SMC1B: variants seen among roughly 807,000 people sequenced by gnomAD.
SMC1B encodes the protein structural maintenance of chromosomes 1B, also known as structural maintenance of chromosomes protein 1B.
In SMC1B, 60 loss-of-function variants were observed where a neutral mutation model predicts 157.9. That is an observed-to-expected ratio of 0.38 (90% CI 0.31 to 0.47). The LOEUF (loss-of-function observed/expected upper bound fraction) is 0.47, where lower values mean the gene tolerates loss of function less well. SMC1B is among the 20% of genes least tolerant of loss of function. The pLI is 0.99. For missense variants in SMC1B, 1,165 were observed against 1,426.2 expected, an observed-to-expected ratio of 0.82 and a Z score of 2.95; for synonymous variants, 445 against 483.0, an observed-to-expected ratio of 0.92 and a Z score of 1.03.
intron 14 of SMC1B, 132 bp downstream of exon 14, chr22:45,371,339 A>G: frequency 7.6e-7 from 1 of 1,313,272 alleles, no homozygotes; most frequent in Non-Finnish European, 9.8e-7. Context: ...AACTTAGCTT[A>G]CAACATTGTT....
At chr22:45,379,723 C>CTTTTTTTTTTTTTTTTTTTTT (rs136583) in intron 12 of SMC1B, among the ~76,000 whole-genome samples, 5 of 91,480 alleles carry the variant, frequency 5.5e-5, no homozygotes, top group African/African-American at 9.0e-5. Flanking sequence ...TTTCTTTTTA[C>CTTTTTTTTTTTTTTTTTTTTT]TTTTTTTTTT....
intron 19 of SMC1B, 65 bp downstream of exon 19, chr22:45,358,632 G>T: frequency 2.1e-6 from 2 of 975,562 alleles, no homozygotes; most frequent in Non-Finnish European, 3.1e-6. Flanking sequence ...ATCCAAAAAT[G>T]ATTCGGTAAG....
At position 45,345,401 on chromosome 22, in the gene SMC1B, A is replaced by G. The variant is rs935030243; in HGVS notation, c.3606+58T>C. ...TAATTAGGAAAGCCCAGTGGCTGTC[A>G]GGGTACTAAGGGAAGTTGGCATTGG... is the stretch of plus-strand genomic sequence containing the variant. On this transcript the variant is annotated intron_variant, in intron 24 of 24. Coordinates refer to ENST00000357450, the MANE Select transcript of SMC1B (RefSeq NM_148674.5). 18 of 994,140 alleles carry G rather than the reference A, an allele frequency of 1.8e-5. No homozygotes were observed. In the Admixed American group the frequency reaches 2.7e-4, roughly 15 times the overall value. 61.6% of individuals were successfully genotyped at this position (994,140 alleles called of 1,614,324 possible). A position where few individuals can be genotyped will look rare whatever the true frequency, so the allele number is the denominator to read the frequency against.
At chr22:45,376,412 C>A (rs1467820062) in intron 12 of SMC1B, among the ~76,000 whole-genome samples, 2 of 152,166 alleles carry the variant, frequency 1.3e-5, no homozygotes, top group African/African-American at 4.8e-5. Context: ...GTATATACCA[C>A]ATTCTGTTTA....
intron 15 of SMC1B, among the ~76,000 whole-genome samples, chr22:45,368,850 G>C (rs1417932199): frequency 6.6e-6 from 1 of 152,146 alleles, no homozygotes; most frequent in Non-Finnish European, 1.5e-5. Flanking sequence ...CATCTGTTTA[G>C]ACATTAAACA....
At chr22:45,394,602 C>A (rs976066948) in intron 8 of SMC1B, 83 bp downstream of exon 8, 11 of 1,357,148 alleles carry the variant, frequency 8.1e-6, no homozygotes, top group Middle Eastern at 2.5e-4. Flanking sequence ...CGCCACTGCA[C>A]TCTGGCCTGG....
chr22:45,394,585 A>G, intron 8 of SMC1B, 100 bp downstream of exon 8: 1 of 1,285,666 alleles, frequency 7.8e-7, no homozygotes, highest in Non-Finnish European at 9.9e-7. Context: ...ACCGTAAGCC[A>G]TGACTGCGCC....
chr22:45,394,365 G>T (rs1054159607), intron 8 of SMC1B, among the ~76,000 whole-genome samples: 1 of 152,020 alleles, frequency 6.6e-6, no homozygotes, highest in African/African-American at 2.4e-5. Context: ...GCTGCAAGGG[G>T]TGCGATGGCT....
chr22:45,400,632 G>T (rs1045503369), intron 5 of SMC1B, among the ~76,000 whole-genome samples: 1 of 152,110 alleles, frequency 6.6e-6, no homozygotes, highest in African/African-American at 2.4e-5. Flanking sequence ...CTTAAGTGTG[G>T]GCTAAGCATA....
chr22:45,406,279 C>A (rs183369223), intron 4 of SMC1B, among the ~76,000 whole-genome samples, 181 bp downstream of exon 4: 2 of 151,996 alleles, frequency 1.3e-5, no homozygotes, highest in Admixed American at 1.3e-4. Flanking sequence ...CCTGCCTATT[C>A]GGAAAGAAAA....
chr22:45,376,519 AC>A (rs2086885219), intron 12 of SMC1B, among the ~76,000 whole-genome samples: 2 of 152,128 alleles, frequency 1.3e-5, no homozygotes, highest in South Asian at 4.1e-4. Flanking sequence ...TCTTTTTAAG[AC>A]CCTACTTTCT....
intron 19 of SMC1B, among the ~76,000 whole-genome samples, chr22:45,358,213 T>C (rs998989778): frequency 2.8e-4 from 43 of 152,224 alleles, no homozygotes; most frequent in African/African-American, 9.6e-4. Flanking sequence ...CCATGAGTTG[T>C]AGCCTTTAAA....
In SMC1B at chr22:45,345,446, G is replaced by A; in HGVS notation, c.3606+13C>T. On this transcript the variant is annotated intron_variant, in intron 24 of 24. Transcript: ENST00000357450. ...CATTGGGTACACTCCTCTCGCCTCT[G>A]ATTTGTCTTTACCTCAGGATAGATG... 1 of 1,579,294 alleles carries A rather than the reference G, an allele frequency of 6.3e-7. No individual in the cohort carries two copies. The highest frequency in any genetic ancestry group is 8.7e-7 in the Non-Finnish European group (1 of 1,149,950).
At chr22:45,369,444 T>G (rs1210752672) in intron 15 of SMC1B, among the ~76,000 whole-genome samples, 1 of 152,130 alleles carries the variant, frequency 6.6e-6, no homozygotes, top group Non-Finnish European at 1.5e-5. Flanking sequence ...TATGCCCCTA[T>G]TCTCTTATTT....
At chr22:45,393,592 G>T in intron 9 of SMC1B, 42 bp downstream of exon 9, 2 of 1,453,632 alleles carry the variant, frequency 1.4e-6, no homozygotes, top group Non-Finnish European at 1.9e-6. Context: ...AAACAGGAAA[G>T]CTTAGTTTTT....
intron 13 of SMC1B, among the ~76,000 whole-genome samples, chr22:45,371,894 T>C (rs1389869860): frequency 6.6e-6 from 1 of 151,798 alleles, no homozygotes; most frequent in Non-Finnish European, 1.5e-5. Context: ...GCATGTCTAC[T>C]AAAAAAATAC....
chr22:45,401,773 T>G (rs891464242), intron 5 of SMC1B, among the ~76,000 whole-genome samples: 1 of 152,196 alleles, frequency 6.6e-6, no homozygotes, highest in Non-Finnish European at 1.5e-5. Context: ...TTTCACCTAT[T>G]AAACCCACTC....
At position 45,402,577 on chromosome 22, in the gene SMC1B, A is replaced by C; in HGVS notation, c.616-6T>G. 6.2e-7 allele frequency: 1 copy of C among 1,601,550 alleles called. No individual in the cohort carries two copies. The highest frequency in any genetic ancestry group is 8.5e-7 in the Non-Finnish European group (1 of 1,170,970). ...AGACTCTGGTAACGTTCTGCCTATA[A>C]AAGAGTATAATTCAACAGCAGTTAA... On this transcript the variant is annotated splice_polypyrimidine_tract_variant and splice_region_variant and intron_variant, in intron 4 of 24. Transcript: ENST00000357450.
intron 1 of SMC1B, among the ~76,000 whole-genome samples, chr22:45,409,594 A>G (rs2087305603): frequency 1.3e-5 from 1 of 79,328 alleles, no homozygotes; most frequent in Middle Eastern, 6.2e-3. Flanking sequence ...ATAAATAAAT[A>G]AATAAATAAA....
Sources: allele counts gnomAD v4.1 joint callset (sites outside exome capture counted in the v4.1 genomes callset), GRCh38; gene constraint gnomAD v4.1.1; transcripts MANE v1.5; gene names NCBI Gene and HGNC (gene_info 2026-07-23, HGNC 2026-07-21).